The following GALNT7 variants were observed in gnomAD, a reference collection of about 807,000 sequenced individuals.
GALNT7 encodes the protein polypeptide N-acetylgalactosaminyltransferase 7.
A neutral mutation model predicts 82.1 loss-of-function variants in GALNT7; 60 were observed. The ratio of observed to expected loss-of-function variants is 0.73; its 90% CI spans 0.59 to 0.91. The LOEUF (loss-of-function observed/expected upper bound fraction) is 0.91, where lower values mean the gene tolerates loss of function less well. Ranked by LOEUF, GALNT7 falls within the 40% of genes least tolerant of loss-of-function variation. GALNT7 has a pLI of 0.00. For missense variants in GALNT7, 660 were observed against 804.2 expected, an observed-to-expected ratio of 0.82 and a Z score of 2.17; for synonymous variants, 243 against 275.1, an observed-to-expected ratio of 0.88 and a Z score of 1.15.
At chr4:173,210,789 CA>C (rs1356703583) in intron 1 of GALNT7, among the ~76,000 whole-genome samples, 1 of 151,818 alleles carries the variant, frequency 6.6e-6, no homozygotes, top group African/African-American at 2.4e-5. Context: ...GATTCTGCAA[CA>C]AAAAAATTAA....
At chr4:173,192,210 C>T (rs896267778) in intron 1 of GALNT7, among the ~76,000 whole-genome samples, 2 of 152,106 alleles carry the variant, frequency 1.3e-5, no homozygotes, top group Non-Finnish European at 2.9e-5. Context: ...TTACCAGTTA[C>T]TATATAAAGA....
At chr4:173,193,144 G>T (rs745909975) in intron 1 of GALNT7, among the ~76,000 whole-genome samples, 1 of 152,212 alleles carries the variant, frequency 6.6e-6, no homozygotes, top group Non-Finnish European at 1.5e-5. Flanking sequence ...AGACAAAAAG[G>T]CTCGGCCTCT....
intron 1 of GALNT7, among the ~76,000 whole-genome samples, chr4:173,191,234 G>A (rs1732619237): frequency 6.6e-6 from 1 of 151,978 alleles, no homozygotes; most frequent in South Asian, 2.1e-4. Context: ...GGATGGGGGG[G>A]GTACTTGGCT....
intron 1 of GALNT7, among the ~76,000 whole-genome samples, chr4:173,223,395 T>C (rs1239886634): frequency 2.0e-5 from 3 of 152,224 alleles, no homozygotes; most frequent in Admixed American, 1.3e-4. Context: ...ACCTGAGTTA[T>C]ACCTGTATTT....
chr4:173,215,668 C>A (rs1004507705), intron 1 of GALNT7, among the ~76,000 whole-genome samples: 15 of 152,158 alleles, frequency 9.9e-5, no homozygotes, highest in Non-Finnish European at 1.8e-4. Context: ...TTTCATCAGG[C>A]TCAAGGAATC....
At chr4:173,207,943 A>G (rs1733151656) in intron 1 of GALNT7, among the ~76,000 whole-genome samples, 1 of 152,204 alleles carries the variant, frequency 6.6e-6, no homozygotes, top group African/African-American at 2.4e-5. Context: ...TTAAATTGCT[A>G]GTGAAGTTGA....
At chr4:173,204,782 C>T (rs1490393525) in intron 1 of GALNT7, among the ~76,000 whole-genome samples, 2 of 152,120 alleles carry the variant, frequency 1.3e-5, no homozygotes, top group East Asian at 3.8e-4. Context: ...AATTCTGTGT[C>T]AGACAGTTCA....
At chr4:173,224,207 G>A (rs927117398) in intron 1 of GALNT7, among the ~76,000 whole-genome samples, 2 of 152,108 alleles carry the variant, frequency 1.3e-5, no homozygotes, top group African/African-American at 4.8e-5. Context: ...ACTGTGGGTC[G>A]ACTACAGTTT....
chr4:173,209,078 T>G (rs1394333868), intron 1 of GALNT7, among the ~76,000 whole-genome samples: 2 of 152,238 alleles, frequency 1.3e-5, no homozygotes, highest in African/African-American at 4.8e-5. Context: ...AGTACTGAAT[T>G]CTTACATATA....
chr4:173,225,045 TA>T lies in GALNT7; in HGVS notation c.127-22933del, dbSNP rs1561161781. Among the ~76,000 whole-genome samples, 34 of 148,824 alleles carry T rather than the reference TA, an allele frequency of 2.3e-4. No individual in the cohort carries two copies. The South Asian group carries it at 3.2e-3, about 14-fold the overall frequency. The stretch of plus-strand genomic sequence containing the variant: ...ATAATAATAATAATAATAATAATAA[TA>T]ATAATTATAATTATATCTGTGCCCA... On this transcript the variant is annotated intron_variant, in intron 1 of 11. Coordinates refer to ENST00000265000, the MANE Select transcript of GALNT7 (RefSeq NM_017423.3).
At chr4:173,214,887 G>T (rs1327433278) in intron 1 of GALNT7, among the ~76,000 whole-genome samples, 2 of 151,970 alleles carry the variant, frequency 1.3e-5, no homozygotes, top group Non-Finnish European at 2.9e-5. Flanking sequence ...AAATAGCAGA[G>T]GCAGTACCAA....
At chr4:173,189,966 G>C (rs2126639557) in intron 1 of GALNT7, among the ~76,000 whole-genome samples, 1 of 151,762 alleles carries the variant, frequency 6.6e-6, no homozygotes, top group Middle Eastern at 3.5e-3. Flanking sequence ...TATAGATTTG[G>C]CTACTATAAC....
intron 1 of GALNT7, among the ~76,000 whole-genome samples, chr4:173,176,582 G>GT (rs1259781812): frequency 6.6e-6 from 1 of 152,196 alleles, no homozygotes; most frequent in Non-Finnish European, 1.5e-5. Context: ...ATTGTGCTGG[G>GT]TAAGACAAAA....
intron 1 of GALNT7, among the ~76,000 whole-genome samples, chr4:173,232,772 A>T (rs1734072387): frequency 6.6e-6 from 1 of 152,058 alleles, no homozygotes; most frequent in Non-Finnish European, 1.5e-5. Context: ...CTTTTCTTCT[A>T]GCTATTTTGA....
rs185412203 is a variant in GALNT7, at chr4:173,220,870, A to G, written c.127-27110A>G. Among the ~76,000 whole-genome samples, 1,395 of 152,134 alleles carry G rather than the reference A, an allele frequency of 9.2e-3. 20 individuals are homozygous for G. Among genetic ancestry groups the G allele is most frequent in the African/African-American group, 0.032 (1,340 of 41,482 alleles). ...GGCTGCATAGTACTCCATGGTGTAT[A>G]TGTGCTACATTTTCTTAATCCAGTC... On this transcript the variant is annotated intron_variant, in intron 1 of 11. Transcript: ENST00000265000.
At chr4:173,224,510 ATG>A (rs1346060882) in intron 1 of GALNT7, among the ~76,000 whole-genome samples, 2 of 152,206 alleles carry the variant, frequency 1.3e-5, no homozygotes, top group Admixed American at 6.5e-5. Flanking sequence ...GCAAGGAAAT[ATG>A]TGTATTTCTC....
intron 1 of GALNT7, among the ~76,000 whole-genome samples, chr4:173,205,424 G>A (rs1420163243): frequency 1.3e-5 from 2 of 152,180 alleles, no homozygotes; most frequent in Non-Finnish European, 2.9e-5. Context: ...GGGTCTGCTG[G>A]GCTGGGCCTG....
At chr4:173,313,405 C>CA (rs140833225) in intron 8 of GALNT7, among the ~76,000 whole-genome samples, 43,907 of 150,936 alleles carry the variant, frequency 0.29, 7,466 homozygotes, top group Non-Finnish European at 0.38. Context: ...TCCATCTACA[C>CA]AAAAAAATAA....
intron 1 of GALNT7, among the ~76,000 whole-genome samples, chr4:173,213,271 T>C (rs1366034305): frequency 6.6e-6 from 1 of 152,104 alleles, no homozygotes; most frequent in Non-Finnish European, 1.5e-5. Context: ...TATTGTAGAA[T>C]TAAAACTGAT....
Sources: allele counts gnomAD v4.1 joint callset (sites outside exome capture counted in the v4.1 genomes callset), GRCh38; gene constraint gnomAD v4.1.1; transcripts MANE v1.5; gene names NCBI Gene and HGNC (gene_info 2026-07-23, HGNC 2026-07-21).